EBF1: variants seen among roughly 807,000 people sequenced by gnomAD.
The protein encoded by EBF1 is transcription factor COE1.
EBF1 carries 10 observed loss-of-function variants against 68.4 expected under a neutral mutation model. That is an observed-to-expected ratio of 0.15 (90% CI 0.09 to 0.25). The LOEUF (loss-of-function observed/expected upper bound fraction) is 0.25. Among genes scored for constraint, EBF1 ranks in the 10% least tolerant of loss-of-function variants. EBF1 has a pLI of 1.00. For missense variants in EBF1, 509 were observed against 794.4 expected (o/e 0.64, Z 4.32); for synonymous variants, 298 against 299.8 (o/e 0.99, Z 0.06).
At chr5:158,907,354 T>C (rs1804877304) in intron 6 of EBF1, among the ~76,000 whole-genome samples, 1 of 152,046 alleles carries the variant, frequency 6.6e-6, no homozygotes, top group African/African-American at 2.4e-5. Context: ...TTCAAATAAT[T>C]GAAAACCTAC....
intron 5 of EBF1, among the ~76,000 whole-genome samples, chr5:159,082,024 G>A (rs1004408026): frequency 6.6e-6 from 1 of 152,082 alleles, no homozygotes; most frequent in African/African-American, 2.4e-5. Flanking sequence ...TCCAATGGTG[G>A]CCAGTCCCTT....
intron 7 of EBF1, among the ~76,000 whole-genome samples, chr5:158,830,717 A>G (rs1433031973): frequency 6.6e-6 from 1 of 152,200 alleles, no homozygotes; most frequent in Admixed American, 6.5e-5. Flanking sequence ...GTCTTCATTA[A>G]CTTTGTCCTT....
intron 6 of EBF1, among the ~76,000 whole-genome samples, chr5:159,070,028 AT>A (rs1168286542): frequency 6.6e-6 from 1 of 152,144 alleles, no homozygotes; most frequent in African/African-American, 2.4e-5. Flanking sequence ...ACTGGAAGTC[AT>A]TTTTTGCTTT....
At chr5:158,792,508 T>TA (rs35181775) in intron 9 of EBF1, among the ~76,000 whole-genome samples, 45 of 152,276 alleles carry the variant, frequency 3.0e-4, no homozygotes, top group Non-Finnish European at 5.7e-4. Context: ...ATTCTTTAGC[T>TA]AAAAAAAGAC....
intron 6 of EBF1, among the ~76,000 whole-genome samples, chr5:158,889,398 C>T (rs1447957932): frequency 6.6e-6 from 1 of 152,064 alleles, no homozygotes; most frequent in African/African-American, 2.4e-5. Flanking sequence ...ACTTAGGTTT[C>T]TTGAGGTTAA....
chr5:158,934,271 A>C (rs1257450315), intron 6 of EBF1, among the ~76,000 whole-genome samples: 1 of 152,198 alleles, frequency 6.6e-6, no homozygotes, highest in East Asian at 1.9e-4. Flanking sequence ...TTCATTCAAC[A>C]ACCTCTGCAA....
chr5:159,097,252 G>A (rs570238630), intron 1 of EBF1, 122 bp from the exon 2 acceptor site: 57 of 1,187,798 alleles, frequency 4.8e-5, no homozygotes, highest in Admixed American at 1.3e-4. Context: ...CATCCAGTGG[G>A]CGCTCTTCAC....
intron 7 of EBF1, among the ~76,000 whole-genome samples, chr5:158,837,772 T>C (rs1338360976): frequency 1.3e-5 from 2 of 152,180 alleles, no homozygotes; most frequent in African/African-American, 4.8e-5. Context: ...AGGTTCCCAG[T>C]GTCATCAAAG....
At chr5:158,702,983 C>A (rs772430133) in intron 15 of EBF1, among the ~76,000 whole-genome samples, 2 of 151,968 alleles carry the variant, frequency 1.3e-5, no homozygotes, top group Non-Finnish European at 2.9e-5. Context: ...ATTACTCTGG[C>A]CTTTTTGTTT....
At position 158,888,256 on chromosome 5, in the gene EBF1, G is replaced by A. The variant is rs547267932; in HGVS notation, c.555-48146C>T. Among the ~76,000 whole-genome samples, 10 of 135,048 alleles carry A rather than the reference G, an allele frequency of 7.4e-5. No individual in the cohort carries two copies. In the South Asian group the frequency reaches 1.4e-3, roughly 19 times the overall value. The allele number at this position is 135,048 out of a possible 152,430, so 88.6% of individuals were successfully genotyped here. ...AAAATTCACTCCTCATTTTTTATTCGTGTGTGTGTGTGTGCGTGCGTGTGT... is the reference window on the plus strand; with the variant it reads ...AAAATTCACTCCTCATTTTTTATTCATGTGTGTGTGTGTGCGTGCGTGTGT... On this transcript the variant is annotated intron_variant, in intron 6 of 15. Coordinates refer to ENST00000313708, the MANE Select transcript of EBF1 (RefSeq NM_024007.5).
At chr5:158,846,889 GA>G (rs1791632589) in intron 6 of EBF1, among the ~76,000 whole-genome samples, 1 of 152,166 alleles carries the variant, frequency 6.6e-6, no homozygotes, top group Non-Finnish European at 1.5e-5. Flanking sequence ...CATTCTGTTT[GA>G]GAGGTGGGGT....
chr5:158,777,410 T>C lies in EBF1; in HGVS notation c.1036+3A>G. On this transcript the variant is annotated splice_donor_region_variant and intron_variant, in intron 10 of 15. Transcript: ENST00000313708. ...TGTGCTCACCATGTGCTGTGGTTCT[T>C]ACCTGTATAAATGAATCTGCCTGGT... 1 of 1,610,506 alleles carries C rather than the reference T, an allele frequency of 6.2e-7. No homozygotes were observed. Among genetic ancestry groups the C allele is most frequent in the Non-Finnish European group, 8.5e-7 (1 of 1,178,076 alleles).
chr5:159,069,583 G>A (rs1360177440), intron 6 of EBF1, among the ~76,000 whole-genome samples: 1 of 152,102 alleles, frequency 6.6e-6, no homozygotes, highest in Non-Finnish European at 1.5e-5. Flanking sequence ...ATAACAGTCT[G>A]CATACTTAAT....
At chr5:158,726,184 G>A (rs1324951974) in intron 11 of EBF1, among the ~76,000 whole-genome samples, 1 of 152,164 alleles carries the variant, frequency 6.6e-6, no homozygotes, top group Non-Finnish European at 1.5e-5. Context: ...AATGCTTTGA[G>A]CCATGTCTAC....
intron 6 of EBF1, among the ~76,000 whole-genome samples, chr5:158,915,826 G>A (rs760513904): frequency 1.2e-4 from 19 of 152,104 alleles, no homozygotes; most frequent in Non-Finnish European, 2.2e-4. Context: ...TTCTAGAAAC[G>A]GATGACAAAA....
At chr5:158,872,287 C>T (rs981900917) in intron 6 of EBF1, among the ~76,000 whole-genome samples, 1 of 151,960 alleles carries the variant, frequency 6.6e-6, no homozygotes, top group African/African-American at 2.4e-5. Context: ...ACCTCTGCCT[C>T]CTGGGTTCCA....
At chr5:158,935,244 T>C (rs185224858) in intron 6 of EBF1, among the ~76,000 whole-genome samples, 119 of 152,314 alleles carry the variant, frequency 7.8e-4, no homozygotes, top group Middle Eastern at 6.8e-3. Flanking sequence ...CAGAGGCATC[T>C]TGGAGGCAGC....
At chr5:158,729,143 T>C (rs1763570942) in intron 11 of EBF1, among the ~76,000 whole-genome samples, 1 of 151,756 alleles carries the variant, frequency 6.6e-6, no homozygotes, top group South Asian at 2.1e-4. Context: ...GGCTGCTAAA[T>C]AAGTCATTGT....
chr5:158,820,040 T>G (rs779189306), intron 8 of EBF1, among the ~76,000 whole-genome samples: 1 of 152,104 alleles, frequency 6.6e-6, no homozygotes, highest in Admixed American at 6.6e-5. Context: ...TAAAGCACGA[T>G]CTCTGTCTCT....
Sources: allele counts gnomAD v4.1 joint callset (sites outside exome capture counted in the v4.1 genomes callset), GRCh38; gene constraint gnomAD v4.1.1; transcripts MANE v1.5; gene names NCBI Gene and HGNC (gene_info 2026-07-23, HGNC 2026-07-21).